The following RHBDL3 variants were observed in gnomAD, a reference collection of about 807,000 sequenced individuals.
The protein encoded by RHBDL3 is rhomboid-related protein 3.
A neutral mutation model predicts 48.2 loss-of-function variants in RHBDL3; 28 were observed. The ratio of observed to expected loss-of-function variants is 0.58; its 90% CI spans 0.43 to 0.80. The LOEUF (loss-of-function observed/expected upper bound fraction) is 0.80, where lower values mean the gene tolerates loss of function less well. Among genes scored for constraint, RHBDL3 ranks in the 30% least tolerant of loss-of-function variants. The pLI, the probability that RHBDL3 is intolerant of heterozygous loss-of-function variation, is 0.00. For synonymous variants in RHBDL3, 208 were observed against 232.3 expected (o/e 0.90, Z 0.95); for missense variants, 464 against 542.7 (o/e 0.85, Z 1.44).
At chr17:32,284,939 C>T in intron 3 of RHBDL3, 122 bp downstream of exon 3, 1 of 875,182 alleles carries the variant, frequency 1.1e-6, no homozygotes, top group Non-Finnish European at 1.8e-6. Flanking sequence ...AAAGTCCAGG[C>T]TTCTGAGGTG....
chr17:32,307,676 A>G (rs1211913255), intron 7 of RHBDL3, among the ~76,000 whole-genome samples: 3 of 152,152 alleles, frequency 2.0e-5, no homozygotes, highest in African/African-American at 7.2e-5. Flanking sequence ...TGAGCCTCTC[A>G]GTGTGTGTGT....
chr17:32,324,596 A>G lies in RHBDL3; in HGVS notation c.*3367A>G, dbSNP rs2041215884. The G allele has an allele frequency of 6.6e-6, 1 of 152,416 alleles. No homozygotes were observed. The highest frequency in any genetic ancestry group is 6.5e-5 in the Admixed American group (1 of 15,278). The allele number at this position is 152,416 out of a possible 1,614,324, so 9.4% of individuals were successfully genotyped here. A position where few individuals can be genotyped will look rare whatever the true frequency, so the allele number is the denominator to read the frequency against. On this transcript the variant is annotated 3_prime_UTR_variant, in exon 9 of 9. Coordinates refer to ENST00000269051, the MANE Select transcript of RHBDL3 (RefSeq NM_138328.3). The stretch of plus-strand genomic sequence containing the variant: ...TATTTTTGTATTGTGTACATTCTGT[A>G]TATTTTTGTTGTAACATATTATTTG...
intron 6 of RHBDL3, among the ~76,000 whole-genome samples, chr17:32,303,774 G>A (rs372887726): frequency 8.6e-5 from 13 of 152,044 alleles, no homozygotes; most frequent in Non-Finnish European, 1.9e-4. Context: ...AGGGGAGGTG[G>A]AGGAGTTTAT....
chr17:32,320,720 A>C (rs1169080118), intron 8 of RHBDL3, among the ~76,000 whole-genome samples: 1 of 152,158 alleles, frequency 6.6e-6, no homozygotes, highest in Non-Finnish European at 1.5e-5. Context: ...GTTTCCCCCC[A>C]TAGATGTCTC....
chr17:32,278,129 C>G lies in RHBDL3; in HGVS notation c.136-6530C>G, dbSNP rs184737130. On this transcript the variant is annotated intron_variant, in intron 2 of 8. Transcript: ENST00000269051. Reference sequence around the variant, plus strand: ...CCTGGCCAACATGGTGAAACCTCGTCTCTACTAAAAATACCAAAAATTAGC... The same window carrying G: ...CCTGGCCAACATGGTGAAACCTCGTGTCTACTAAAAATACCAAAAATTAGC... Among the ~76,000 whole-genome samples, 62 of 152,172 alleles carry G rather than the reference C, an allele frequency of 4.1e-4. No individual in the cohort carries two copies. In the East Asian group the frequency reaches 0.01, roughly 25 times the overall value.
At chr17:32,308,293 G>A (rs1444156139) in intron 7 of RHBDL3, among the ~76,000 whole-genome samples, 1 of 152,298 alleles carries the variant, frequency 6.6e-6, no homozygotes, top group East Asian at 1.9e-4. Context: ...TCTCCAGGAG[G>A]TTGTGTGGGT....
At chr17:32,304,396 G>A (rs778460838) in intron 6 of RHBDL3, among the ~76,000 whole-genome samples, 13 of 152,208 alleles carry the variant, frequency 8.5e-5, no homozygotes, top group Admixed American at 7.2e-4. Flanking sequence ...AGTTTGGGGC[G>A]TGGCTGCTAG....
At chr17:32,289,132 G>GCCCTTCAATGGAA in intron 4 of RHBDL3, 116 bp downstream of exon 4, 1 of 776,876 alleles carries the variant, frequency 1.3e-6, no homozygotes, top group Non-Finnish European at 2.2e-6. Context: ...CTTTTCCATT[G>GCCCTTCAATGGAA]AAGGGCAATG....
At chr17:32,300,545 A>C (rs35830939) in intron 6 of RHBDL3, among the ~76,000 whole-genome samples, 58,643 of 151,868 alleles carry the variant, frequency 0.39, 13,535 homozygotes, top group Non-Finnish European at 0.51. Flanking sequence ...CAGAGCAAGA[A>C]CCTGTCTCAA....
At chr17:32,272,461 C>T (rs140543485) in intron 2 of RHBDL3, among the ~76,000 whole-genome samples, 1 of 152,226 alleles carries the variant, frequency 6.6e-6, no homozygotes, top group Non-Finnish European at 1.5e-5. Flanking sequence ...GCCCCAGAGA[C>T]AGGGTGTTGG....
chr17:32,320,750 T>C (rs967037825), intron 8 of RHBDL3, among the ~76,000 whole-genome samples: 1 of 152,180 alleles, frequency 6.6e-6, no homozygotes, highest in Admixed American at 6.5e-5. Flanking sequence ...AATTATCTCA[T>C]GTATGTAATT....
At chr17:32,301,862 T>G (rs913944199) in intron 6 of RHBDL3, among the ~76,000 whole-genome samples, 2 of 150,338 alleles carry the variant, frequency 1.3e-5, no homozygotes, top group Admixed American at 6.7e-5. Context: ...GTTACATTAC[T>G]TAAAGATAAA....
At position 32,292,189 on chromosome 17, in the gene RHBDL3, T is replaced by C. The variant is rs547793336; in HGVS notation, c.520-2105T>C. 3.9e-5 allele frequency among the ~76,000 whole-genome samples: 6 copies of C among 152,264 alleles called. No homozygotes were observed. The East Asian group carries it at 1.2e-3, about 29-fold the overall frequency. ...AAAGAGTTAAATACCCTTTTAGAGA[T>C]TAAACAAGTATGCTTCAGTCACGTT... On this transcript the variant is annotated intron_variant, in intron 4 of 8. Transcript: ENST00000269051.
In RHBDL3 at chr17:32,267,428, C is replaced by T. The variant is rs1402500612; in HGVS notation, c.112-474C>T. Reference sequence around the variant, plus strand: ...TAGTGTTTATGCAGAGGTGAGTTCTCCTGGGGGGGGAGGGGGGGGCTCTAG... The same window carrying T: ...TAGTGTTTATGCAGAGGTGAGTTCTTCTGGGGGGGGAGGGGGGGGCTCTAG... On this transcript the variant is annotated intron_variant, in intron 1 of 8. Coordinates refer to ENST00000269051, the MANE Select transcript of RHBDL3 (RefSeq NM_138328.3). 8.4e-5 allele frequency among the ~76,000 whole-genome samples: 11 copies of T among 130,862 alleles called. No homozygotes were observed. In the South Asian group the frequency reaches 2.0e-3, roughly 23 times the overall value. 85.9% of individuals were successfully genotyped at this position (130,862 alleles called of 152,430 possible).
intron 3 of RHBDL3, among the ~76,000 whole-genome samples, chr17:32,286,065 G>C (rs950224274): frequency 1.3e-5 from 2 of 152,274 alleles, no homozygotes; most frequent in Middle Eastern, 3.4e-3. Flanking sequence ...GAGCAGGGGA[G>C]GGGGACAGTG....
At chr17:32,298,245 C>T in intron 6 of RHBDL3, 41 bp downstream of exon 6, 4 of 1,389,638 alleles carry the variant, frequency 2.9e-6, no homozygotes, top group Non-Finnish European at 3.1e-6. Flanking sequence ...CACACTGCCC[C>T]AGGGTGGGGT....
chr17:32,298,743 G>A (rs9903917), intron 6 of RHBDL3, among the ~76,000 whole-genome samples: 9,236 of 152,220 alleles, frequency 0.061, 858 homozygotes, highest in African/African-American at 0.2. Flanking sequence ...CAGACCAACC[G>A]CAGTCCCCTT....
intron 7 of RHBDL3, 135 bp from the exon 8 acceptor site, chr17:32,316,097 T>C: frequency 1.4e-6 from 1 of 695,844 alleles, no homozygotes; most frequent in Non-Finnish European, 2.6e-6. Context: ...TGTGGTGTGT[T>C]CTGCTACTAA....
intron 5 of RHBDL3, among the ~76,000 whole-genome samples, chr17:32,296,176 C>T (rs971105295): frequency 3.5e-5 from 5 of 144,246 alleles, no homozygotes; most frequent in African/African-American, 7.7e-5. Flanking sequence ...TGCAGTGAGC[C>T]GAGATCACAC....
Sources: gnomAD v4.1 joint callset for allele counts (sites outside exome capture counted in the v4.1 genomes callset) on GRCh38, gnomAD v4.1.1 for gene constraint, MANE v1.5 for transcripts, NCBI Gene and HGNC (gene_info 2026-07-23, HGNC 2026-07-21) for gene names.